The following TFDP2 variants were observed in gnomAD, a reference collection of about 807,000 sequenced individuals.
TFDP2 encodes transcription factor Dp-2 (E2F dimerization partner 2).
Under a neutral mutation model 59.3 loss-of-function variants are expected in TFDP2, and 17 were observed. That is an observed-to-expected ratio of 0.29 (90% confidence interval 0.20 to 0.43). TFDP2 has a LOEUF of 0.43. Ranked by LOEUF, TFDP2 falls within the 20% of genes least tolerant of loss-of-function variation. The probability of loss-of-function intolerance (pLI) is 1.00; values close to 1 mark genes in which losing one functional copy is unlikely to be tolerated. For missense variants in TFDP2, 391 were observed against 528.8 expected (o/e 0.74, Z 2.56); for synonymous variants, 180 against 194.7 (o/e 0.92, Z 0.63).
chr3:142,072,811 C>A (rs73232674), intron 3 of TFDP2, among the ~76,000 whole-genome samples: 20,031 of 152,132 alleles, frequency 0.13, 1,390 homozygotes, highest in African/African-American at 0.18. Context: ...ATGATTGAAT[C>A]AATAGAGGAG....
At chr3:142,072,718 T>C (rs1446324576) in intron 3 of TFDP2, among the ~76,000 whole-genome samples, 1 of 152,096 alleles carries the variant, frequency 6.6e-6, no homozygotes, top group East Asian at 1.9e-4. Flanking sequence ...TATCTGGAAA[T>C]GTGAGCAAGA....
chr3:142,117,925 C>T (rs997448859), intron 1 of TFDP2, among the ~76,000 whole-genome samples: 3 of 151,950 alleles, frequency 2.0e-5, no homozygotes, highest in African/African-American at 4.8e-5. Flanking sequence ...GGTGAAACCC[C>T]GTCTCTACAA....
intron 3 of TFDP2, among the ~76,000 whole-genome samples, chr3:142,006,226 T>G (rs1944198511): frequency 6.6e-6 from 1 of 152,176 alleles, no homozygotes. Flanking sequence ...TTCTGAACTA[T>G]AACATCAACT....
chr3:142,034,593 G>A (rs1946596882), intron 3 of TFDP2, among the ~76,000 whole-genome samples: 1 of 152,186 alleles, frequency 6.6e-6, no homozygotes, highest in African/African-American at 2.4e-5. Flanking sequence ...GTCTAAAGCA[G>A]ACAATGAGCT....
intron 3 of TFDP2, among the ~76,000 whole-genome samples, chr3:142,056,279 A>T: frequency 6.7e-6 from 1 of 149,140 alleles, no homozygotes. Flanking sequence ...GGTCAAGCAC[A>T]GTGCTTGGCA....
chr3:142,139,948 C>A (rs929387581), intron 1 of TFDP2, among the ~76,000 whole-genome samples: 1 of 152,106 alleles, frequency 6.6e-6, no homozygotes, highest in Non-Finnish European at 1.5e-5. Flanking sequence ...CTGGATAATA[C>A]CCTGAAGAGT....
intron 3 of TFDP2, among the ~76,000 whole-genome samples, chr3:142,055,653 C>T (rs191173746): frequency 2.6e-5 from 4 of 152,308 alleles, no homozygotes; most frequent in Non-Finnish European, 5.9e-5. Flanking sequence ...AGCCCAGCTT[C>T]CAATTATTGA....
chr3:141,951,513 A>G lies in TFDP2; in HGVS notation c.*1000T>C, dbSNP rs1440591791. 1 of 152,658 alleles carries G rather than the reference A, an allele frequency of 6.6e-6. No homozygotes were observed. The highest frequency in any genetic ancestry group is 2.4e-5 in the African/African-American group (1 of 41,460). 9.5% of individuals were successfully genotyped at this position (152,658 alleles called of 1,614,324 possible). A position where few individuals can be genotyped will look rare whatever the true frequency, so the allele number is the denominator to read the frequency against. On this transcript the variant is annotated 3_prime_UTR_variant, in exon 13 of 13. Coordinates refer to ENST00000489671, the MANE Select transcript of TFDP2 (RefSeq NM_001178139.2). The stretch of plus-strand genomic sequence containing the variant: ...CATGTACAAGGAAACACTGCTGTTC[A>G]TATTCTTGAAATAGACTTTTCTTTA...
chr3:142,149,037 C>T (rs779926075), intron 1 of TFDP2, 146 bp downstream of exon 1: 10 of 392,060 alleles, frequency 2.6e-5, no homozygotes, highest in Non-Finnish European at 3.6e-5. Context: ...CCCGGCCAGG[C>T]CTGGAGAACC....
intron 3 of TFDP2, among the ~76,000 whole-genome samples, chr3:142,072,520 T>G (rs77092046): frequency 6.6e-6 from 1 of 152,138 alleles, no homozygotes; most frequent in Non-Finnish European, 1.5e-5. Context: ...TGGTTTCTAA[T>G]AACATTCTCC....
intron 3 of TFDP2, among the ~76,000 whole-genome samples, chr3:142,013,228 A>AT (rs1162469471): frequency 6.6e-6 from 1 of 152,184 alleles, no homozygotes; most frequent in Non-Finnish European, 1.5e-5. Context: ...AACAAGTTGA[A>AT]GATCTAGAAA....
chr3:142,076,577 T>C (rs1417366368), intron 3 of TFDP2, among the ~76,000 whole-genome samples: 1 of 152,232 alleles, frequency 6.6e-6, no homozygotes, highest in East Asian at 1.9e-4. Context: ...CTTAGATTTA[T>C]TGCAAACGAT....
intron 3 of TFDP2, chr3:142,044,072 T>C (rs1947186647): frequency 4.6e-6 from 3 of 654,208 alleles, no homozygotes; most frequent in Non-Finnish European, 8.5e-6. Context: ...TTGATCAGCT[T>C]CCGCATCTGC....
intron 3 of TFDP2, among the ~76,000 whole-genome samples, chr3:142,065,369 T>A (rs1304591296): frequency 1.3e-5 from 2 of 152,160 alleles, no homozygotes; most frequent in Non-Finnish European, 2.9e-5. Flanking sequence ...TTGCCCAGGC[T>A]GGTCTCAAAG....
At position 141,945,139 on chromosome 3, in the gene TFDP2, T is replaced by G. The variant is rs1234697079; in HGVS notation, c.*7374A>C. On this transcript the variant is annotated 3_prime_UTR_variant, in exon 13 of 13. Transcript: ENST00000489671. ...GGCTCATGGCCCTTTACCCACCTTT[T>G]TTTTTTGAGATGGAATTTCGCTCTT... 1.3e-5 allele frequency: 2 copies of G among 151,874 alleles called. No individual in the cohort carries two copies. The highest frequency in any genetic ancestry group is 4.9e-5 in the African/African-American group (2 of 41,176). The allele number at this position is 151,874 out of a possible 1,614,324, so 9.4% of individuals were successfully genotyped here.
intron 3 of TFDP2, among the ~76,000 whole-genome samples, chr3:142,068,104 A>G (rs2060131063): frequency 6.6e-6 from 1 of 152,038 alleles, no homozygotes; most frequent in Non-Finnish European, 1.5e-5. Flanking sequence ...AACAGGACAG[A>G]CAGCCCTGAA....
chr3:142,023,122 CAAAA>C (rs765096570), intron 3 of TFDP2, among the ~76,000 whole-genome samples: 8 of 59,598 alleles, frequency 1.3e-4, no homozygotes, highest in Admixed American at 2.1e-4. Flanking sequence ...CCCTCCGTCT[CAAAA>C]AAAAAAAAAA....
At chr3:142,045,123 T>A (rs1947263621) in intron 3 of TFDP2, among the ~76,000 whole-genome samples, 1 of 151,910 alleles carries the variant, frequency 6.6e-6, no homozygotes, top group Admixed American at 6.6e-5. Context: ...AAATATCAGA[T>A]GTCCTTCTTT....
At chr3:142,122,963 G>GT (rs572896588) in intron 1 of TFDP2, among the ~76,000 whole-genome samples, 13,090 of 146,364 alleles carry the variant, frequency 0.089, 642 homozygotes, top group Middle Eastern at 0.16. Flanking sequence ...TTTATATAAA[G>GT]TTTTTTTTTT....
Sources: gnomAD v4.1 joint callset for allele counts (sites outside exome capture counted in the v4.1 genomes callset) on GRCh38, gnomAD v4.1.1 for gene constraint, MANE v1.5 for transcripts, NCBI Gene and HGNC (gene_info 2026-07-23, HGNC 2026-07-21) for gene names.